SLC9C1: variants seen among roughly 807,000 people sequenced by gnomAD.
SLC9C1 encodes the protein sodium/hydrogen exchanger 10.
A neutral mutation model predicts 140.9 loss-of-function variants in SLC9C1; 97 were observed. The observed-to-expected ratio is 0.69, with a 90% confidence interval of 0.58 to 0.82. The LOEUF (loss-of-function observed/expected upper bound fraction) is 0.82. Ranked by LOEUF, SLC9C1 falls within the 40% of genes least tolerant of loss-of-function variation. The pLI, the probability that SLC9C1 is intolerant of heterozygous loss-of-function variation, is 0.00. For missense variants in SLC9C1, 1,340 were observed against 1,389.3 expected, an observed-to-expected ratio of 0.96 and a Z score of 0.56; for synonymous variants, 440 against 442.6, an observed-to-expected ratio of 0.99 and a Z score of 0.07.
intron 20 of SLC9C1, among the ~76,000 whole-genome samples, chr3:112,197,252 A>T (rs1342347755): frequency 1.3e-5 from 2 of 152,178 alleles, no homozygotes; most frequent in Non-Finnish European, 2.9e-5. Context: ...GAAATAAGAC[A>T]AAAATAAAGA....
At chr3:112,225,902 A>G (rs2078670404) in intron 13 of SLC9C1, among the ~76,000 whole-genome samples, 1 of 152,196 alleles carries the variant, frequency 6.6e-6, no homozygotes, top group African/African-American at 2.4e-5. Context: ...AAACCAGAGC[A>G]CTCAGACACA....
At chr3:112,251,969 G>A (rs2079472536) in intron 10 of SLC9C1, among the ~76,000 whole-genome samples, 1 of 152,188 alleles carries the variant, frequency 6.6e-6, no homozygotes, top group East Asian at 1.9e-4. Context: ...TTGCTGGGAA[G>A]CCCAGGTATC....
At chr3:112,205,029 A>C (rs913920752) in intron 16 of SLC9C1, among the ~76,000 whole-genome samples, 1 of 152,124 alleles carries the variant, frequency 6.6e-6, no homozygotes, top group Non-Finnish European at 1.5e-5. Flanking sequence ...CCTATTCAAC[A>C]TAGTGTTGGA....
At chr3:112,211,640 G>A (rs1291434229) in intron 15 of SLC9C1, among the ~76,000 whole-genome samples, 2 of 152,264 alleles carry the variant, frequency 1.3e-5, no homozygotes, top group Non-Finnish European at 2.9e-5. Context: ...GAACTGCAAG[G>A]CAGCAGCAAG....
chr3:112,200,591 A>G (rs951749949), intron 19 of SLC9C1, 120 bp downstream of exon 19: 11 of 779,132 alleles, frequency 1.4e-5, no homozygotes, highest in Non-Finnish European at 2.3e-5. Flanking sequence ...GAGGTTACTC[A>G]CTTCAGTATT....
intron 13 of SLC9C1, among the ~76,000 whole-genome samples, chr3:112,227,506 C>G (rs570512470): frequency 7.3e-6 from 1 of 136,502 alleles, no homozygotes. Flanking sequence ...TCTGAATAGA[C>G]GCAAAAAACA....
intron 6 of SLC9C1, among the ~76,000 whole-genome samples, chr3:112,274,560 G>A (rs2080163619): frequency 6.6e-6 from 1 of 152,032 alleles, no homozygotes; most frequent in African/African-American, 2.4e-5. Context: ...CTCACTACTA[G>A]TGGATGCACT....
chr3:112,154,903 T>G, intron 27 of SLC9C1, 94 bp downstream of exon 27: 2 of 1,261,072 alleles, frequency 1.6e-6, no homozygotes, highest in East Asian at 4.7e-5. Flanking sequence ...AGATGAACTT[T>G]TTCAGAATAA....
intron 26 of SLC9C1, among the ~76,000 whole-genome samples, chr3:112,163,003 A>G (rs201938947): frequency 5.2e-5 from 6 of 115,148 alleles, no homozygotes; most frequent in Admixed American, 9.4e-5. Flanking sequence ...GTCTTGGGAG[A>G]GTGTATGTGT....
At chr3:112,146,046 A>G (rs2074784287) in intron 28 of SLC9C1, among the ~76,000 whole-genome samples, 1 of 152,148 alleles carries the variant, frequency 6.6e-6, no homozygotes, top group African/African-American at 2.4e-5. Flanking sequence ...GTATGTCTTT[A>G]TCAGCAGCAG....
rs866264503 is a variant in SLC9C1 at position 112,266,265 on chromosome 3, G to T, written c.851C>A (p.Ala284Glu). The T allele has an allele frequency of 6.2e-7, 1 of 1,610,554 alleles. No homozygotes were observed. The highest frequency in any genetic ancestry group is 8.5e-7 in the Non-Finnish European group (1 of 1,178,494). ...AAGAAGAAGTGTTTCTTCAATTGCT[G>T]CTTTAAAACTTGTAGAATTTAAAAG... is the stretch of plus-strand genomic sequence containing the variant. Reference protein sequence around the residue: ...GLLLNSTSFKAAIEETLLLEF... With the variant: ...GLLLNSTSFKEAIEETLLLEF... Residue 284 changes from alanine (A) to glutamate (E), a missense_variant, in exon 8 of 29, where the codon GCA becomes GAA. Transcript: ENST00000305815.
At chr3:112,280,873 G>A in intron 2 of SLC9C1, 90 bp from the exon 3 acceptor site, 1 of 1,045,298 alleles carries the variant, frequency 9.6e-7, no homozygotes, top group East Asian at 2.8e-5. Flanking sequence ...TGTGAACAAT[G>A]TCTTACAGTT....
At position 112,221,396 on chromosome 3, in the gene SLC9C1, C is replaced by G. The variant is rs565452667; in HGVS notation, c.1573-171G>C. Among the ~76,000 whole-genome samples, 143 of 152,220 alleles carry G rather than the reference C, an allele frequency of 9.4e-4. 1 individual carries two copies. The highest frequency in any genetic ancestry group is 2.8e-3 in the Admixed American group (42 of 15,272). On this transcript the variant is annotated intron_variant, in intron 13 of 28. Coordinates refer to ENST00000305815, the MANE Select transcript of SLC9C1 (RefSeq NM_183061.3). ...TATAAGATTACTGGATAAGGTAGGT[C>G]TTGGCTTTGAGTGGAGCCACACTGG...
At chr3:112,278,005 A>C in intron 4 of SLC9C1, 145 bp from the exon 5 acceptor site, 10 of 544,830 alleles carry the variant, frequency 1.8e-5, no homozygotes, top group East Asian at 3.3e-5. Context: ...CATCTAGCTC[A>C]CGCTGCTTCA....
chr3:112,237,846 C>T (rs1250571350), intron 12 of SLC9C1, among the ~76,000 whole-genome samples: 2 of 152,180 alleles, frequency 1.3e-5, no homozygotes, highest in African/African-American at 4.8e-5. Flanking sequence ...TGATGGTCTT[C>T]CCTTTGTGGG....
chr3:112,164,976 T>C (rs1388683918), intron 26 of SLC9C1, among the ~76,000 whole-genome samples: 1 of 152,218 alleles, frequency 6.6e-6, no homozygotes, highest in Non-Finnish European at 1.5e-5. Context: ...CATTTCTTTT[T>C]ATTCTTTTTT....
intron 11 of SLC9C1, among the ~76,000 whole-genome samples, chr3:112,240,850 G>A (rs551401529): frequency 4.3e-4 from 66 of 152,184 alleles, no homozygotes; most frequent in African/African-American, 8.2e-4. Flanking sequence ...AGATCATTAC[G>A]TTAAGTGAAA....
In SLC9C1 at chr3:112,220,563, C is replaced by T. The variant is rs577101008; in HGVS notation, c.1670+565G>A. On this transcript the variant is annotated intron_variant, in intron 14 of 28. Transcript: ENST00000305815. Reference sequence around the variant, plus strand: ...CTGTTGCAGTTGCACTGCAGTTTAACCCCCCTCTTTGCCCAATCATAGATC... The same window carrying T: ...CTGTTGCAGTTGCACTGCAGTTTAATCCCCCTCTTTGCCCAATCATAGATC... 1.1e-4 allele frequency among the ~76,000 whole-genome samples: 16 copies of T among 152,300 alleles called. 1 individual carries two copies. In the South Asian group the frequency reaches 3.3e-3, roughly 32 times the overall value.
At chr3:112,238,870 G>T (rs950933321) in intron 12 of SLC9C1, among the ~76,000 whole-genome samples, 4 of 151,604 alleles carry the variant, frequency 2.6e-5, no homozygotes, top group African/African-American at 4.8e-5. Flanking sequence ...TGCCCCTACT[G>T]GGGGGTGCCT....
Sources: gnomAD v4.1 joint callset for allele counts (sites outside exome capture counted in the v4.1 genomes callset) on GRCh38, gnomAD v4.1.1 for gene constraint, MANE v1.5 for transcripts, NCBI Gene and HGNC (gene_info 2026-07-23, HGNC 2026-07-21) for gene names.